AKR1E2: variants seen among roughly 807,000 people sequenced by gnomAD.
AKR1E2 encodes 1,5-anhydro-D-fructose reductase.
A neutral mutation model predicts 41.9 loss-of-function variants in AKR1E2; 43 were observed. That is an observed-to-expected ratio of 1.03 (90% CI 0.80 to 1.32). The LOEUF is 1.32. AKR1E2 is among the 40% of genes most tolerant of loss of function. AKR1E2 has a pLI of 0.00. For synonymous variants in AKR1E2, 121 were observed against 138.9 expected, an observed-to-expected ratio of 0.87 and a Z score of 0.91; for missense variants, 423 against 396.5, an observed-to-expected ratio of 1.07 and a Z score of -0.57.
chr10:4,842,592 T>C lies in AKR1E2; in HGVS notation c.837+88T>C, dbSNP rs2924269. ...CTGCTGTAGCATACAGCCTCAGGGTTGCGGAGCTTGATGCAACAGGGGCTT... is the reference window on the plus strand; with the variant it reads ...CTGCTGTAGCATACAGCCTCAGGGTCGCGGAGCTTGATGCAACAGGGGCTT... On this transcript the variant is annotated intron_variant, in intron 8 of 9. Transcript: ENST00000298375. 1,173,023 of 1,236,794 alleles carry C rather than the reference T, an allele frequency of 0.95. 558,576 individuals carry two copies. The highest frequency in any genetic ancestry group is 0.99 in the East Asian group (41,713 of 42,158). 76.6% of individuals were successfully genotyped at this position (1,236,794 alleles called of 1,614,324 possible). A position where few individuals can be genotyped will look rare whatever the true frequency, so the allele number is the denominator to read the frequency against.
In AKR1E2 at chr10:4,836,339, G is replaced by A. The variant is rs1031632248; in HGVS notation, c.459+530G>A. On this transcript the variant is annotated intron_variant, in intron 4 of 9. Transcript: ENST00000298375. ...ACCAAAAACAGCCCTTTACTGCAGG[G>A]GCTTGCAGTAAAGACTTGAGCAGGA... 7.2e-5 allele frequency among the ~76,000 whole-genome samples: 11 copies of A among 152,206 alleles called. No homozygotes were observed. In the South Asian group the frequency reaches 2.3e-3, roughly 32 times the overall value.
chr10:4,846,046 C>CCCGCCCCCTGTGGCCCCAGTGCCGCTCAG, intron 8 of AKR1E2: 1 of 361,842 alleles, frequency 2.8e-6, no homozygotes. Flanking sequence ...ACTGCTGCTG[C>CCCGCCCCCTGTGGCCCCAGTGCCGCTCAG]AAGGCTGCCT....
At chr10:4,853,521 GAC>G in the AKR1E2 span, among the ~76,000 whole-genome samples, 1 of 151,638 alleles carries the variant, frequency 6.6e-6, no homozygotes, top group African/African-American at 2.4e-5. Flanking sequence ...CATGACCCAT[GAC>G]ACAGCCTCAG....
At chr10:4,856,657 T>C in the AKR1E2 span, among the ~76,000 whole-genome samples, 6 of 152,222 alleles carry the variant, frequency 3.9e-5, no homozygotes, top group Non-Finnish European at 1.5e-5. Context: ...ATTATTAGTA[T>C]ATGTTCCAAA....
At chr10:4,858,449 C>T in the AKR1E2 span, among the ~76,000 whole-genome samples, 95 of 152,148 alleles carry the variant, frequency 6.2e-4, no homozygotes, top group African/African-American at 2.2e-3. Flanking sequence ...TGGTCTTTAC[C>T]ACAATATTAA....
At chr10:4,826,398 C>T in intron 1 of AKR1E2, 35 bp downstream of exon 1, 1 of 1,232,154 alleles carries the variant, frequency 8.1e-7, no homozygotes, top group Non-Finnish European at 1.0e-6. Context: ...CGCGCCTGAC[C>T]TAGGGGAGCG....
At chr10:4,852,002 G>A (rs10904351), downstream of AKR1E2, among the ~76,000 whole-genome samples, 63,772 of 151,998 alleles carry the variant, frequency 0.42, 14,979 homozygotes, top group East Asian at 0.68. Flanking sequence ...ACACAGCTCC[G>A]TTCCATGTGA....
chr10:4,826,680 G>T (rs1832540711), intron 1 of AKR1E2, among the ~76,000 whole-genome samples: 1 of 152,210 alleles, frequency 6.6e-6, no homozygotes, highest in Non-Finnish European at 1.5e-5. Flanking sequence ...CGGAGCCCTT[G>T]AAGTTACTCA....
Position 4,837,505 on chromosome 10 carries a change from T to C in AKR1E2, c.506T>C (p.Val169Ala). The change falls in exon 5 of 10, where the codon GTG (valine) becomes GCG (alanine). Residue 169 changes from valine to alanine, a missense_variant. Physicochemically the swap from Val to Ala is moderately conservative, Grantham distance 64. Coordinates refer to ENST00000298375, the MANE Select transcript of AKR1E2 (RefSeq NM_001040177.3). ...ACCGGGCTGGTGAAGAACATCGGGG[T>C]GTCAAACTTCAACCATGAACAGCTT... The part of the protein sequence containing the change: ...VITGLVKNIG[V>A]SNFNHEQLER... 1 of 1,613,468 alleles carries C rather than the reference T, an allele frequency of 6.2e-7. No individual in the cohort carries two copies. The highest frequency in any genetic ancestry group is 8.5e-7 in the Non-Finnish European group (1 of 1,179,748).
chr10:4,826,423 G>C, intron 1 of AKR1E2, 60 bp downstream of exon 1: 1 of 1,217,720 alleles, frequency 8.2e-7, no homozygotes, highest in East Asian at 3.2e-5. Flanking sequence ...ACTTGGGGGC[G>C]CCCGATGGGA....
Position 4,847,598 on chromosome 10 carries a change from C to T in AKR1E2, c.*68C>T, listed in dbSNP as rs1049068794. 1 of 1,568,384 alleles carries T rather than the reference C, an allele frequency of 6.4e-7. No homozygotes were observed. The highest frequency in any genetic ancestry group is 8.7e-7 in the Non-Finnish European group (1 of 1,143,556). On this transcript the variant is annotated 3_prime_UTR_variant, in exon 10 of 10. Coordinates refer to ENST00000298375, the MANE Select transcript of AKR1E2 (RefSeq NM_001040177.3). Reference sequence around the variant, plus strand: ...GACACTATTGGCAATGTTGACCCTCCTCTGTCATCACAGCGCCAGGGCAGC... The same window carrying T: ...GACACTATTGGCAATGTTGACCCTCTTCTGTCATCACAGCGCCAGGGCAGC...
chr10:4,854,792 C>T, the AKR1E2 span, among the ~76,000 whole-genome samples: 1 of 152,088 alleles, frequency 6.6e-6, no homozygotes, highest in Non-Finnish European at 1.5e-5. Flanking sequence ...AGGTTAGAGG[C>T]CCCTCTTCAT....
intron 5 of AKR1E2, among the ~76,000 whole-genome samples, chr10:4,837,819 T>C (rs1052602945): frequency 1.7e-4 from 26 of 152,216 alleles, no homozygotes; most frequent in African/African-American, 6.3e-4. Flanking sequence ...TGGCCCTCCA[T>C]GTGCAGTGCA....
Position 4,841,856 on chromosome 10 carries a change from A to T in AKR1E2, c.752A>T (p.Gln251Leu), listed in dbSNP as rs746256684. Residue 251 changes from glutamine (Q) to leucine (L), a missense_variant and splice_region_variant, in exon 7 of 10, where the codon CAG becomes CTG. By Grantham distance (113) the Gln-to-Leu change is moderately radical. Transcript: ENST00000298375. Reference sequence around the variant, plus strand: ...AAGGAGCACGGCAAGTCTCCTGCTCAGGTAGGGAGGGAGGGCTGTTCTGAG... The same window carrying T: ...AAGGAGCACGGCAAGTCTCCTGCTCTGGTAGGGAGGGAGGGCTGTTCTGAG... ...IAKEHGKSPA[Q>L]ILIRFQIQRN... The T allele has an allele frequency of 2.1e-5, 34 of 1,613,024 alleles. No homozygotes were observed. In the South Asian group the frequency reaches 3.5e-4, roughly 17 times the overall value.
intron 2 of AKR1E2, among the ~76,000 whole-genome samples, chr10:4,831,189 T>C (rs564277101): frequency 1.2e-4 from 19 of 152,278 alleles, no homozygotes; most frequent in African/African-American, 4.3e-4. Context: ...ACTGGGGTGA[T>C]TGTTAAATGC....
At chr10:4,851,482 C>T (rs555639498), downstream of AKR1E2, among the ~76,000 whole-genome samples, 1 of 152,308 alleles carries the variant, frequency 6.6e-6, no homozygotes, top group East Asian at 1.9e-4. Flanking sequence ...GTACTTTGAA[C>T]ACATGGAGAA....
rs747330130 is a variant in AKR1E2 at position 4,847,594 on chromosome 10, C to T, written c.*64C>T. The stretch of plus-strand genomic sequence containing the variant: ...CACAGACACTATTGGCAATGTTGAC[C>T]CTCCTCTGTCATCACAGCGCCAGGG... On this transcript the variant is annotated 3_prime_UTR_variant, in exon 10 of 10. Coordinates refer to ENST00000298375, the MANE Select transcript of AKR1E2 (RefSeq NM_001040177.3). The T allele has an allele frequency of 8.6e-5, 136 of 1,573,770 alleles. No individual in the cohort carries two copies. Among genetic ancestry groups the T allele is most frequent in the Non-Finnish European group, 1.2e-4 (132 of 1,147,546 alleles).
rs749508027 is a variant in AKR1E2 at position 4,830,744 on chromosome 10, GCTTA to G, written c.113_116del (p.Tyr38PhefsTer21). On this transcript the variant is annotated frameshift_variant, in exon 2 of 10. Coordinates refer to ENST00000298375, the MANE Select transcript of AKR1E2 (RefSeq NM_001040177.3). LOFTEE classifies it high-confidence loss of function. ...CGCAGGGTACCGGCACTTCGACTGT[GCTTA>G]CTTTTACCACAATGAGAGGGAGGTT... is the stretch of plus-strand genomic sequence containing the variant. The G allele has an allele frequency of 1.5e-5, 24 of 1,614,114 alleles. No individual in the cohort carries two copies. The East Asian group carries it at 3.1e-4, about 21-fold the overall frequency.
chr10:4,840,341 A>C (rs2924270), intron 6 of AKR1E2, among the ~76,000 whole-genome samples: 31,049 of 152,110 alleles, frequency 0.2, 3,333 homozygotes, highest in Middle Eastern at 0.34. Context: ...TTATTCTGCC[A>C]GGAGAAGTTG....
Sources: gnomAD v4.1 joint callset for allele counts (sites outside exome capture counted in the v4.1 genomes callset) on GRCh38, gnomAD v4.1.1 for gene constraint, MANE v1.5 for transcripts, NCBI Gene and HGNC (gene_info 2026-07-23, HGNC 2026-07-21) for gene names.